Variants in PRPF39 observed in about 807,000 individuals in gnomAD.
The protein encoded by PRPF39 is pre-mRNA processing factor 39, also known as pre-mRNA-processing factor 39.
A neutral mutation model predicts 82.1 loss-of-function variants in PRPF39; 27 were observed. The observed-to-expected ratio is 0.33, with a 90% CI of 0.24 to 0.45. PRPF39 has a LOEUF of 0.45. Among genes scored for constraint, PRPF39 ranks in the 20% least tolerant of loss-of-function variants. The pLI, the probability that PRPF39 is intolerant of heterozygous loss-of-function variation, is 1.00. For missense variants in PRPF39, 581 were observed against 796.9 expected (o/e 0.73, Z 3.26); for synonymous variants, 261 against 256.4 (o/e 1.02, Z -0.17).
Position 45,095,534 on chromosome 14 carries a change from G to A in PRPF39, c.295G>A (p.Val99Ile). Reference protein sequence around the residue: ...ENNPQDFTGWVYLLQYVEQEN... With the variant: ...ENNPQDFTGWIYLLQYVEQEN... The stretch of plus-strand genomic sequence containing the variant: ...TAATCCTCAGGATTTTACAGGCTGG[G>A]TATATTTGCTTCAATATGTAGAACA... Residue 99 changes from valine to isoleucine, a missense_variant, in exon 2 of 14, where the codon GTA (valine) becomes ATA (isoleucine). Physicochemically the swap from Val to Ile is conservative, Grantham distance 29. Coordinates refer to ENST00000355765, the MANE Select transcript of PRPF39 (RefSeq NM_017922.4). The A allele has an allele frequency of 6.2e-7, 1 of 1,607,780 alleles. No homozygotes were observed. The highest frequency in any genetic ancestry group is 8.5e-7 in the Non-Finnish European group (1 of 1,176,754).
At chr14:45,109,510 A>T in intron 7 of PRPF39, 106 bp from the exon 8 acceptor site, 2 of 927,810 alleles carry the variant, frequency 2.2e-6, no homozygotes, top group South Asian at 3.3e-5. Flanking sequence ...ATGATTAAAA[A>T]TTTTAATCAT....
rs554151763 is a variant in PRPF39, at chr14:45,093,286, G to A, written c.-19-1935G>A. Among the ~76,000 whole-genome samples, 56 of 150,602 alleles carry A rather than the reference G, an allele frequency of 3.7e-4. 1 individual carries two copies. Among genetic ancestry groups the A allele is most frequent in the South Asian group, 1.7e-3 (8 of 4,788 alleles). The stretch of plus-strand genomic sequence containing the variant: ...TGCCCAGGCTGGAGTGCAGTGGCAC[G>A]ATCTTGGCTCACTGCAACCTTCACC... On this transcript the variant is annotated intron_variant, in intron 1 of 13. Transcript: ENST00000355765.
chr14:45,085,702 A>G (rs1384200656), intron 1 of PRPF39, among the ~76,000 whole-genome samples: 1 of 152,164 alleles, frequency 6.6e-6, no homozygotes, highest in African/African-American at 2.4e-5. Flanking sequence ...CTTAGCCCTT[A>G]AAAACAGCTG....
chr14:45,108,901 T>C (rs2139063096), intron 7 of PRPF39, among the ~76,000 whole-genome samples: 1 of 152,318 alleles, frequency 6.6e-6, no homozygotes, highest in South Asian at 2.1e-4. Flanking sequence ...TTGACTGCTT[T>C]ACTGAGATAT....
chr14:45,094,456 G>C (rs976168514), intron 1 of PRPF39, among the ~76,000 whole-genome samples: 1 of 152,030 alleles, frequency 6.6e-6, no homozygotes, highest in Non-Finnish European at 1.5e-5. Context: ...CTGGAGTATC[G>C]TAGCAGGGTC....
intron 1 of PRPF39, among the ~76,000 whole-genome samples, chr14:45,085,794 G>T (rs968748593): frequency 6.6e-5 from 10 of 152,148 alleles, no homozygotes; most frequent in African/African-American, 2.4e-4. Flanking sequence ...TTTGCTTATT[G>T]CAAAGCTACT....
chr14:45,107,658 G>A, intron 6 of PRPF39, 42 bp downstream of exon 6: 1 of 1,527,388 alleles, frequency 6.5e-7, no homozygotes, highest in Non-Finnish European at 8.9e-7. Context: ...GCCAGGTATG[G>A]TGGCTTATGC....
intron 1 of PRPF39, among the ~76,000 whole-genome samples, chr14:45,093,728 T>A (rs920764457): frequency 1.3e-5 from 2 of 149,392 alleles, no homozygotes; most frequent in African/African-American, 5.1e-5. Flanking sequence ...GCTAATTTGG[T>A]ATTTTTAGTA....
chr14:45,090,946 C>G (rs528611658), intron 1 of PRPF39, among the ~76,000 whole-genome samples: 12 of 152,234 alleles, frequency 7.9e-5, no homozygotes, highest in Non-Finnish European at 1.2e-4. Flanking sequence ...CTAGATTTAC[C>G]TGGTTATAGC....
intron 3 of PRPF39, chr14:45,096,543 A>T: frequency 7.0e-7 from 1 of 1,431,518 alleles, no homozygotes; most frequent in African/African-American, 1.4e-5. Context: ...TTTCCAAACA[A>T]TATAGTTGGT....
At chr14:45,113,738 T>A (rs987322396) in intron 11 of PRPF39, among the ~76,000 whole-genome samples, 2 of 152,196 alleles carry the variant, frequency 1.3e-5, no homozygotes, top group Non-Finnish European at 2.9e-5. Context: ...TCTGATAAAC[T>A]GAGCAGAGGA....
At chr14:45,097,114 G>A in intron 4 of PRPF39, 109 bp downstream of exon 4, 2 of 1,380,338 alleles carry the variant, frequency 1.4e-6, no homozygotes, top group East Asian at 5.3e-5. Flanking sequence ...CTATTCCATT[G>A]TTAAAAAAAT....
chr14:45,111,435 A>G (rs1292538279), intron 10 of PRPF39, among the ~76,000 whole-genome samples: 2 of 152,006 alleles, frequency 1.3e-5, no homozygotes. Context: ...CCTGGGTTCA[A>G]GTGATTCTCC....
intron 10 of PRPF39, among the ~76,000 whole-genome samples, chr14:45,111,529 A>C (rs1217115146): frequency 6.8e-6 from 1 of 147,876 alleles, no homozygotes; most frequent in Non-Finnish European, 1.5e-5. Context: ...GACACAGTTT[A>C]CTATGTTGGT....
intron 10 of PRPF39, among the ~76,000 whole-genome samples, chr14:45,111,730 C>T (rs1474278763): frequency 6.7e-6 from 1 of 149,900 alleles, no homozygotes. Flanking sequence ...CTTCCACCTC[C>T]TGGGTTCAAG....
chr14:45,111,530 C>A lies in PRPF39; in HGVS notation c.1572+713C>A, dbSNP rs1005017689. Among the ~76,000 whole-genome samples, 49 of 147,826 alleles carry A rather than the reference C, an allele frequency of 3.3e-4. 1 individual carries two copies. The highest frequency in any genetic ancestry group is 2.3e-3 in the Admixed American group (33 of 14,650). On this transcript the variant is annotated intron_variant, in intron 10 of 13. Coordinates refer to ENST00000355765, the MANE Select transcript of PRPF39 (RefSeq NM_017922.4). ...TTGTATTTTTAGTAGACACAGTTTA[C>A]TATGTTGGTCAGGCTGATCTTGAAT... is the stretch of plus-strand genomic sequence containing the variant.
chr14:45,114,454 G>C, intron 12 of PRPF39, 40 bp from the exon 13 acceptor site: 1 of 1,525,776 alleles, frequency 6.6e-7, no homozygotes, highest in African/African-American at 1.4e-5. Flanking sequence ...GTTCTTACCT[G>C]TGGGAGTTTT....
At chr14:45,114,114 AC>A in intron 11 of PRPF39, 68 bp from the exon 12 acceptor site, 1 of 1,205,646 alleles carries the variant, frequency 8.3e-7, no homozygotes, top group Non-Finnish European at 1.1e-6. Flanking sequence ...CTAAGTAAAA[AC>A]AACTTTAAAT....
chr14:45,106,144 G>C (rs2139058820), intron 5 of PRPF39, among the ~76,000 whole-genome samples: 1 of 152,138 alleles, frequency 6.6e-6, no homozygotes, highest in East Asian at 1.9e-4. Context: ...GAGGTCAGGA[G>C]TTCGAGACCA....
Sources: gnomAD v4.1 joint callset for allele counts (sites outside exome capture counted in the v4.1 genomes callset) on GRCh38, gnomAD v4.1.1 for gene constraint, MANE v1.5 for transcripts, NCBI Gene and HGNC (gene_info 2026-07-23, HGNC 2026-07-21) for gene names.